The following BARD1 variants were observed in gnomAD, a reference collection of about 807,000 sequenced individuals.
The protein encoded by BARD1 is BRCA1 associated RING domain 1.
BARD1 carries 73 observed loss-of-function variants against 77.0 expected under a neutral mutation model. That is an observed-to-expected ratio of 0.95 (90% CI 0.79 to 1.15). The LOEUF is 1.15. Among genes scored for constraint, BARD1 ranks in the 50% most tolerant of loss-of-function variants. The probability of loss-of-function intolerance (pLI) is 0.00; values close to 1 mark genes in which losing one functional copy is unlikely to be tolerated. For synonymous variants in BARD1, 384 were observed against 338.0 expected (o/e 1.14, Z -1.49); for missense variants, 993 against 938.8 (o/e 1.06, Z -0.75).
At chr2:214,760,070 C>G (rs1202522346) in intron 6 of BARD1, among the ~76,000 whole-genome samples, 1 of 152,172 alleles carries the variant, frequency 6.6e-6, no homozygotes. Context: ...ACTGTCCCCA[C>G]TTCCTGGGCT....
chr2:214,803,973 G>T (rs959965394), intron 1 of BARD1, among the ~76,000 whole-genome samples: 2 of 152,144 alleles, frequency 1.3e-5, no homozygotes, highest in African/African-American at 2.4e-5. Flanking sequence ...ATCCATCTGA[G>T]ATGATAATAC....
At chr2:214,731,112 G>C (rs1332525928) in intron 9 of BARD1, 2 of 230,750 alleles carry the variant, frequency 8.7e-6, no homozygotes, top group South Asian at 5.5e-5. Flanking sequence ...TGCTAGTCTA[G>C]AGATGATTTG....
At chr2:214,743,606 T>C (rs1287435385) in intron 9 of BARD1, among the ~76,000 whole-genome samples, 3 of 151,796 alleles carry the variant, frequency 2.0e-5, no homozygotes, top group African/African-American at 7.3e-5. Flanking sequence ...TTTTTTGAGA[T>C]GGAGTTTCAC....
chr2:214,806,147 G>C (rs925109311), intron 1 of BARD1, among the ~76,000 whole-genome samples: 1 of 152,146 alleles, frequency 6.6e-6, no homozygotes, highest in Non-Finnish European at 1.5e-5. Flanking sequence ...TCACCTTGAA[G>C]CCAGATTCAT....
rs1362109080 is a variant in BARD1 at position 214,809,324 on chromosome 2, G to A, written c.158+88C>T. The A allele has an allele frequency of 7.1e-6, 11 of 1,560,152 alleles. No individual in the cohort carries two copies. In the East Asian group the frequency reaches 9.5e-5, roughly 13 times the overall value. On this transcript the variant is annotated intron_variant, in intron 1 of 10. Transcript: ENST00000260947. ...GACTGCAGCGCGGGAACGGAAGGAGGAAACGGAAGATTTGAAAAGATTCTG... is the reference window on the plus strand; with the variant it reads ...GACTGCAGCGCGGGAACGGAAGGAGAAAACGGAAGATTTGAAAAGATTCTG...
chr2:214,785,871 G>A (rs1695249899), intron 3 of BARD1, among the ~76,000 whole-genome samples: 2 of 151,914 alleles, frequency 1.3e-5, no homozygotes. Flanking sequence ...AATCTCCTCT[G>A]ACCAACCAGG....
At chr2:214,762,780 A>G (rs967185154) in intron 6 of BARD1, among the ~76,000 whole-genome samples, 3 of 152,214 alleles carry the variant, frequency 2.0e-5, no homozygotes, top group African/African-American at 7.2e-5. Flanking sequence ...CTATGTACGT[A>G]CCCAACTTCA....
At chr2:214,756,712 G>A (rs1693711120) in intron 6 of BARD1, among the ~76,000 whole-genome samples, 1 of 152,158 alleles carries the variant, frequency 6.6e-6, no homozygotes, top group Non-Finnish European at 1.5e-5. Context: ...ATTATTCTAG[G>A]TGACGTAACT....
chr2:214,751,461 C>A (rs889683184), intron 7 of BARD1, among the ~76,000 whole-genome samples: 3 of 151,776 alleles, frequency 2.0e-5, no homozygotes, highest in African/African-American at 4.8e-5. Context: ...CTGCACCTGG[C>A]CTTTCTGTGA....
chr2:214,725,936 C>G lies in BARD1; in HGVS notation c.*2740G>C. 1 of 226,686 alleles carries G rather than the reference C, an allele frequency of 4.4e-6. No individual in the cohort carries two copies. Among genetic ancestry groups the G allele is most frequent in the Middle Eastern group, 1.3e-3 (1 of 756 alleles). 14.0% of individuals were successfully genotyped at this position (226,686 alleles called of 1,614,324 possible). A position where few individuals can be genotyped will look rare whatever the true frequency, so the allele number is the denominator to read the frequency against. On this transcript the variant is annotated 3_prime_UTR_variant, in exon 11 of 11. Coordinates refer to ENST00000260947, the MANE Select transcript of BARD1 (RefSeq NM_000465.4). ...CAATAACAGCTAATGTGGCCCCACT[C>G]TCACCTGTGAATCGTCTTATTCCCA...
chr2:214,786,268 G>A (rs1695272323), intron 3 of BARD1, among the ~76,000 whole-genome samples: 1 of 150,602 alleles, frequency 6.6e-6, no homozygotes, highest in African/African-American at 2.5e-5. Context: ...TTACGTTTTG[G>A]GGAATAAATT....
At chr2:214,807,211 G>A (rs1269768913) in intron 1 of BARD1, among the ~76,000 whole-genome samples, 4 of 148,790 alleles carry the variant, frequency 2.7e-5, no homozygotes, top group South Asian at 2.1e-4. Flanking sequence ...ATAGAGGTTC[G>A]GATTAAAAAA....
chr2:214,762,668 G>A (rs1292205682), intron 6 of BARD1, among the ~76,000 whole-genome samples: 2 of 151,972 alleles, frequency 1.3e-5, no homozygotes, highest in Admixed American at 6.6e-5. Flanking sequence ...AATAACACAC[G>A]ACATAAAGTT....
Position 214,753,585 on chromosome 2 carries a change from A to G in BARD1, c.1569-1030T>C, listed in dbSNP as rs184363599. On this transcript the variant is annotated intron_variant, in intron 6 of 10. Transcript: ENST00000260947. ...ATCAAATGTATAGAAAAAGATCTGGAAGGAAACAGAGAGAAACATTAGGGG... is the reference window on the plus strand; with the variant it reads ...ATCAAATGTATAGAAAAAGATCTGGGAGGAAACAGAGAGAAACATTAGGGG... 7.9e-5 allele frequency among the ~76,000 whole-genome samples: 12 copies of G among 152,244 alleles called. No individual in the cohort carries two copies. In the East Asian group the frequency reaches 2.3e-3, roughly 29 times the overall value.
intron 4 of BARD1, among the ~76,000 whole-genome samples, chr2:214,779,840 T>A (rs1256869451): frequency 6.6e-6 from 1 of 152,220 alleles, no homozygotes; most frequent in African/African-American, 2.4e-5. Flanking sequence ...AACATTTGCA[T>A]GAAATCACAG....
At chr2:214,735,853 T>C (rs1692544503) in intron 9 of BARD1, among the ~76,000 whole-genome samples, 1 of 152,126 alleles carries the variant, frequency 6.6e-6, no homozygotes, top group South Asian at 2.1e-4. Flanking sequence ...GTCAAGACGC[T>C]GAGTCTTTCC....
intron 1 of BARD1, among the ~76,000 whole-genome samples, chr2:214,804,399 C>T (rs1574859476): frequency 1.3e-5 from 2 of 152,168 alleles, no homozygotes; most frequent in African/African-American, 4.8e-5. Context: ...TGGCTACAAA[C>T]GTGAACCTAG....
At chr2:214,808,079 G>A (rs1054692018) in intron 1 of BARD1, among the ~76,000 whole-genome samples, 2 of 152,190 alleles carry the variant, frequency 1.3e-5, no homozygotes, top group African/African-American at 2.4e-5. Context: ...GAAAATATAA[G>A]TGCAAAACTC....
intron 2 of BARD1, 101 bp from the exon 3 acceptor site, chr2:214,792,546 T>C: frequency 8.6e-7 from 1 of 1,159,150 alleles, no homozygotes; most frequent in Non-Finnish European, 1.2e-6. Flanking sequence ...CAGAGGTTAT[T>C]CTAACATACA....
Sources: allele counts gnomAD v4.1 joint callset (sites outside exome capture counted in the v4.1 genomes callset), GRCh38; gene constraint gnomAD v4.1.1; transcripts MANE v1.5; gene names NCBI Gene and HGNC (gene_info 2026-07-23, HGNC 2026-07-21).